Variants in PAQR5 observed in about 807,000 individuals in gnomAD.
PAQR5 encodes membrane progestin receptor gamma.
PAQR5 carries 20 observed loss-of-function variants against 34.5 expected under a neutral mutation model. The observed-to-expected ratio is 0.58, with a 90% CI of 0.41 to 0.84. PAQR5 has a LOEUF of 0.84. Among genes scored for constraint, PAQR5 ranks in the 40% least tolerant of loss-of-function variants. PAQR5 has a pLI of 0.00. For missense variants in PAQR5, 378 were observed against 412.7 expected (o/e 0.92, Z 0.73); for synonymous variants, 131 against 155.6 (o/e 0.84, Z 1.18).
chr15:69,403,731 T>C lies in PAQR5; in HGVS notation c.902T>C (p.Leu301Pro). The part of the protein sequence containing the change: ...SFSQIAGAIL[L>P]CIIFSLSNII... ...TCTCAGATAGCTGGAGCCATACTTC[T>C]GTGCATCATCTTCAGCCTCAGCAAC... The change falls in exon 9 of 9, where the codon CTG becomes CCG. Residue 301 changes from leucine to proline, a missense_variant. Transcript: ENST00000395407. 2 of 1,614,230 alleles carry C rather than the reference T, an allele frequency of 1.2e-6. No individual in the cohort carries two copies. Among genetic ancestry groups the C allele is most frequent in the South Asian group, 1.1e-5 (1 of 91,090 alleles).
intron 7 of PAQR5, among the ~76,000 whole-genome samples, chr15:69,397,980 T>C (rs1217574005): frequency 6.6e-6 from 1 of 152,134 alleles, no homozygotes; most frequent in Non-Finnish European, 1.5e-5. Context: ...AGCCTGGGGC[T>C]GAGTGGAGTG....
intron 5 of PAQR5, among the ~76,000 whole-genome samples, chr15:69,387,462 C>A (rs1019786017): frequency 2.0e-5 from 3 of 152,216 alleles, no homozygotes; most frequent in Non-Finnish European, 4.4e-5. Flanking sequence ...GTAATATCTT[C>A]TTTGTGGGTA....
At chr15:69,395,982 G>A (rs1170425550) in intron 6 of PAQR5, among the ~76,000 whole-genome samples, 1 of 151,912 alleles carries the variant, frequency 6.6e-6, no homozygotes, top group Non-Finnish European at 1.5e-5. Flanking sequence ...GAATCTCCGG[G>A]TGGGCCATTT....
chr15:69,346,388 C>T (rs909183945), intron 2 of PAQR5, among the ~76,000 whole-genome samples: 4 of 142,628 alleles, frequency 2.8e-5, no homozygotes, highest in African/African-American at 1.0e-4. Context: ...TCACTGCAGC[C>T]TCCACCTCCT....
intron 2 of PAQR5, among the ~76,000 whole-genome samples, chr15:69,350,660 T>TA (rs1219286305): frequency 2.1e-5 from 3 of 144,780 alleles, no homozygotes; most frequent in Admixed American, 6.9e-5. Context: ...TAAAAAAAAT[T>TA]AAAAAATCAC....
In PAQR5 at chr15:69,397,576, C is replaced by G. The variant is rs1205469642; in HGVS notation, c.609+12C>G. On this transcript the variant is annotated intron_variant, in intron 7 of 8. Coordinates refer to ENST00000395407, the MANE Select transcript of PAQR5 (RefSeq NM_017705.4). ...CCATCTTCTACAGGGTAAGGACTGGCTGCATCTCCTCTCTGCCTGTTGGCA... is the reference window on the plus strand; with the variant it reads ...CCATCTTCTACAGGGTAAGGACTGGGTGCATCTCCTCTCTGCCTGTTGGCA... 1 of 1,522,718 alleles carries G rather than the reference C, an allele frequency of 6.6e-7. No individual in the cohort carries two copies. Among genetic ancestry groups the G allele is most frequent in the Non-Finnish European group, 9.1e-7 (1 of 1,096,458 alleles). The allele number at this position is 1,522,718 out of a possible 1,614,324, so 94.3% of individuals were successfully genotyped here.
At chr15:69,326,826 C>T (rs1314379103) in intron 1 of PAQR5, among the ~76,000 whole-genome samples, 1 of 18,436 alleles carries the variant, frequency 5.4e-5, no homozygotes, top group African/African-American at 6.3e-5. Flanking sequence ...CCTCCCTCCC[C>T]ACCCCCGTTA....
rs955281757 is a variant in PAQR5 at position 69,407,681 on chromosome 15, C to T, written c.*3859C>T. 2.0e-5 allele frequency: 3 copies of T among 152,152 alleles called. No individual in the cohort carries two copies. Among genetic ancestry groups the T allele is most frequent in the Non-Finnish European group, 4.4e-5 (3 of 68,032 alleles). The allele number at this position is 152,152 out of a possible 1,614,324, so 9.4% of individuals were successfully genotyped here. On this transcript the variant is annotated 3_prime_UTR_variant, in exon 9 of 9. Transcript: ENST00000395407. ...GCCACTTAATTTGGTTATGTTTTAT[C>T]TACCACACTGCAAATATGTTAATTC...
intron 3 of PAQR5, among the ~76,000 whole-genome samples, chr15:69,361,395 G>A (rs2055228256): frequency 6.6e-6 from 1 of 152,192 alleles, no homozygotes; most frequent in Admixed American, 6.5e-5. Context: ...AAGTGGGTTA[G>A]GGTCTATCTT....
chr15:69,364,626 AC>A (rs1567022388), intron 3 of PAQR5, among the ~76,000 whole-genome samples: 1 of 120,046 alleles, frequency 8.3e-6, no homozygotes, highest in African/African-American at 3.0e-5. Flanking sequence ...TTAACATTTC[AC>A]CATTTAATAT....
intron 8 of PAQR5, 82 bp downstream of exon 8, chr15:69,400,197 C>T: frequency 7.2e-7 from 1 of 1,380,186 alleles, no homozygotes; most frequent in Non-Finnish European, 9.9e-7. Context: ...GTGCACGTAG[C>T]TGCAAAGGGC....
chr15:69,385,051 T>C lies in PAQR5; in HGVS notation c.385+169T>C, dbSNP rs115016570. Among the ~76,000 whole-genome samples the C allele has an allele frequency of 0.015, 2,311 of 152,278 alleles. 65 individuals carry two copies. The highest frequency in any genetic ancestry group is 0.053 in the African/African-American group (2,183 of 41,530). On this transcript the variant is annotated intron_variant, in intron 5 of 8. Transcript: ENST00000395407. This position sits in a 1 kb window ranked among gnomAD's most constrained non-coding sequence, Gnocchi z 4.7. The stretch of plus-strand genomic sequence containing the variant: ...TGGGTGTTTTATAAGAAACTGTCCA[T>C]AAGCATGCTGCTAAATATTTAGCCA...
At position 69,357,716 on chromosome 15, in the gene PAQR5, G is replaced by C. The variant is rs1372499549; in HGVS notation, c.-115-2250G>C. On this transcript the variant is annotated intron_variant, in intron 2 of 8. Transcript: ENST00000395407. Reference sequence around the variant, plus strand: ...TTAAGAAAGAAGCATATTTACGACGGTGAAATAAACAGATTGTGTTTTGCT... The same window carrying C: ...TTAAGAAAGAAGCATATTTACGACGCTGAAATAAACAGATTGTGTTTTGCT... Among the ~76,000 whole-genome samples the C allele has an allele frequency of 2.0e-5, 3 of 152,154 alleles. No individual in the cohort carries two copies. The East Asian group carries it at 5.8e-4, about 29-fold the overall frequency.
At position 69,300,935 on chromosome 15, in the gene PAQR5, CTCTCTT is replaced by C. The variant is rs1448589052; in HGVS notation, c.-277+1883_-277+1888del. ...TTCCTTTCTCTCTCTCTCTCTCTCT[CTCTCTT>C]TCTTTCCTTCTTTCTTTCTTTCTTT... is the stretch of plus-strand genomic sequence containing the variant. On this transcript the variant is annotated intron_variant, in intron 1 of 8. Coordinates refer to ENST00000395407, the MANE Select transcript of PAQR5 (RefSeq NM_017705.4). Among the ~76,000 whole-genome samples, 121 of 31,026 alleles carry C rather than the reference CTCTCTT, an allele frequency of 3.9e-3. 23 individuals are homozygous for C. Among genetic ancestry groups the C allele is most frequent in the African/African-American group, 7.3e-3 (104 of 14,282 alleles). 20.4% of individuals were successfully genotyped at this position (31,026 alleles called of 152,430 possible).
chr15:69,306,025 G>A (rs1290191023), intron 1 of PAQR5, among the ~76,000 whole-genome samples: 1 of 152,160 alleles, frequency 6.6e-6, no homozygotes, highest in Non-Finnish European at 1.5e-5. Context: ...CTGGACTGTG[G>A]GCTAGATGTG....
intron 6 of PAQR5, among the ~76,000 whole-genome samples, chr15:69,393,932 G>T (rs775418745): frequency 2.6e-5 from 4 of 152,158 alleles, no homozygotes; most frequent in African/African-American, 9.6e-5. Flanking sequence ...ATGAGAGAAT[G>T]CGTGCCCTCT....
chr15:69,339,170 A>G (rs56156740), intron 2 of PAQR5, among the ~76,000 whole-genome samples: 1 of 137,044 alleles, frequency 7.3e-6, no homozygotes, highest in South Asian at 2.3e-4. Flanking sequence ...CACTGGCTAC[A>G]CCCCCCACCC....
intron 2 of PAQR5, among the ~76,000 whole-genome samples, chr15:69,355,970 C>T (rs1353752545): frequency 3.3e-5 from 5 of 151,972 alleles, no homozygotes; most frequent in Admixed American, 3.3e-4. Flanking sequence ...AAGCTATTCA[C>T]TTATCCCTGA....
rs1566986769 is a variant in PAQR5 at position 69,300,947 on chromosome 15, CCTTCT to C, written c.-277+1892_-277+1896del. ...TCTCTCTCTCTCTCTCTCTTTCTTT[CCTTCT>C]TTCTTTCTTTCTTTCTTTCTTTCTT... On this transcript the variant is annotated intron_variant, in intron 1 of 8. Coordinates refer to ENST00000395407, the MANE Select transcript of PAQR5 (RefSeq NM_017705.4). Among the ~76,000 whole-genome samples, 134 of 45,656 alleles carry C rather than the reference CCTTCT, an allele frequency of 2.9e-3. 15 individuals carry two copies. The highest frequency in any genetic ancestry group is 4.5e-3 in the Non-Finnish European group (94 of 21,032). 30.0% of individuals were successfully genotyped at this position (45,656 alleles called of 152,430 possible).
Sources: allele counts gnomAD v4.1 joint callset (sites outside exome capture counted in the v4.1 genomes callset), GRCh38; gene constraint gnomAD v4.1.1; non-coding constraint Gnocchi (gnomAD v3.1); transcripts MANE v1.5; gene names NCBI Gene and HGNC (gene_info 2026-07-23, HGNC 2026-07-21).